VKORC1L1: variants seen among roughly 807,000 people sequenced by gnomAD.
VKORC1L1 encodes vitamin K epoxide reductase complex subunit 1-like protein 1.
Under a neutral mutation model 18.9 loss-of-function variants are expected in VKORC1L1, and 2 were observed. That is an observed-to-expected ratio of 0.11 (90% confidence interval 0.04 to 0.33). The LOEUF (loss-of-function observed/expected upper bound fraction) is 0.33, where lower values mean the gene tolerates loss of function less well. Among genes scored for constraint, VKORC1L1 ranks in the 10% least tolerant of loss-of-function variants. The pLI is 1.00. For missense variants in VKORC1L1, 123 were observed against 224.1 expected (o/e 0.55, Z 2.88); for synonymous variants, 96 against 100.0 (o/e 0.96, Z 0.24).
chr7:65,934,566 T>G (rs886839072), intron 1 of VKORC1L1, among the ~76,000 whole-genome samples: 1 of 152,162 alleles, frequency 6.6e-6, no homozygotes, highest in African/African-American at 2.4e-5. Context: ...ATAACCACCA[T>G]TCTACTCTCT....
At chr7:65,870,904 G>A (rs1402240009), upstream of VKORC1L1, among the ~76,000 whole-genome samples, 1 of 151,982 alleles carries the variant, frequency 6.6e-6, no homozygotes, top group Non-Finnish European at 1.5e-5. Flanking sequence ...GGCTCAGTCA[G>A]TCCTCCCAAG....
chr7:65,895,894 CTTTTT>C (rs899804086), intron 1 of VKORC1L1, among the ~76,000 whole-genome samples: 1 of 113,278 alleles, frequency 8.8e-6, no homozygotes, highest in South Asian at 2.8e-4. Flanking sequence ...TATCTCACTT[CTTTTT>C]TTTTTTTTTT....
chr7:65,933,539 G>A (rs1789892698), intron 1 of VKORC1L1, among the ~76,000 whole-genome samples: 1 of 152,052 alleles, frequency 6.6e-6, no homozygotes, highest in Non-Finnish European at 1.5e-5. Flanking sequence ...TTTGTATGAT[G>A]TAACTTGTTT....
At chr7:65,914,247 T>C (rs538823723) in intron 1 of VKORC1L1, among the ~76,000 whole-genome samples, 22 of 152,136 alleles carry the variant, frequency 1.4e-4, no homozygotes, top group African/African-American at 5.3e-4. Context: ...GTGTGCACCA[T>C]CATACCACCA....
In VKORC1L1 at chr7:65,957,203, G is replaced by C. The variant is rs750454425; in HGVS notation, c.*2903G>C. 1 of 152,208 alleles carries C rather than the reference G, an allele frequency of 6.6e-6. No individual in the cohort carries two copies. The highest frequency in any genetic ancestry group is 1.5e-5 in the Non-Finnish European group (1 of 68,066). 9.4% of individuals were successfully genotyped at this position (152,208 alleles called of 1,614,324 possible). ...TCATTCAAAGAAACTACATTCGGCC[G>C]GGCACGGTGGCTCACGCCTATAATC... is the stretch of plus-strand genomic sequence containing the variant. On this transcript the variant is annotated 3_prime_UTR_variant, in exon 3 of 3. Transcript: ENST00000360768.
chr7:65,885,989 A>G (rs1415173313), intron 1 of VKORC1L1, among the ~76,000 whole-genome samples: 4 of 152,346 alleles, frequency 2.6e-5, no homozygotes, highest in African/African-American at 7.2e-5. Context: ...CTTTCCATCA[A>G]GGAGCATATC....
intron 2 of VKORC1L1, among the ~76,000 whole-genome samples, chr7:65,953,710 C>A (rs2115755793): frequency 6.6e-6 from 1 of 152,188 alleles, no homozygotes; most frequent in East Asian, 1.9e-4. Flanking sequence ...GCCTGGCCAA[C>A]AAAAAATCAG....
intron 1 of VKORC1L1, among the ~76,000 whole-genome samples, chr7:65,894,417 CA>C: frequency 6.6e-6 from 1 of 152,148 alleles, no homozygotes; most frequent in Non-Finnish European, 1.5e-5. Flanking sequence ...GCACATTTTC[CA>C]AACAGAATTT....
At chr7:65,922,472 C>T (rs1476712963) in intron 1 of VKORC1L1, among the ~76,000 whole-genome samples, 2 of 152,042 alleles carry the variant, frequency 1.3e-5, no homozygotes, top group Admixed American at 6.6e-5. Context: ...TTACTAGAGA[C>T]GGGGCTTTGC....
intron 1 of VKORC1L1, among the ~76,000 whole-genome samples, chr7:65,879,166 C>T (rs957421478): frequency 6.6e-6 from 1 of 152,098 alleles, no homozygotes; most frequent in African/African-American, 2.4e-5. Context: ...TTTTGCTTGG[C>T]ATTCGTTCCA....
Position 65,954,464 on chromosome 7 carries a change from TATTTTCTGTGTCAGTCTTCATTTTA to T in VKORC1L1, c.*166_*190del. On this transcript the variant is annotated 3_prime_UTR_variant, in exon 3 of 3. Coordinates refer to ENST00000360768, the MANE Select transcript of VKORC1L1 (RefSeq NM_173517.6). ...CCGGTAAATTAGAAGGGGCCCTCGC[TATTTTCTGTGTCAGTCTTCATTTTA>T]AATATGGATACAAAAAGGATACGCC... The T allele has an allele frequency of 8.3e-7, 1 of 1,204,332 alleles. No homozygotes were observed. Among genetic ancestry groups the T allele is most frequent in the Non-Finnish European group, 1.1e-6 (1 of 909,828 alleles). 74.6% of individuals were successfully genotyped at this position (1,204,332 alleles called of 1,614,324 possible). A position where few individuals can be genotyped will look rare whatever the true frequency, so the allele number is the denominator to read the frequency against.
At chr7:65,886,865 T>TTC (rs1789023331) in intron 1 of VKORC1L1, among the ~76,000 whole-genome samples, 1 of 132,108 alleles carries the variant, frequency 7.6e-6, no homozygotes, top group South Asian at 2.6e-4. Context: ...TTTTTTTTTT[T>TTC]CTGAGACAGA....
rs1460002550 is a variant in VKORC1L1 at position 65,957,840 on chromosome 7, A to C, written c.*3540A>C. 1 of 150,638 alleles carries C rather than the reference A, an allele frequency of 6.6e-6. No individual in the cohort carries two copies. Among genetic ancestry groups the C allele is most frequent in the Non-Finnish European group, 1.5e-5 (1 of 67,516 alleles). 9.3% of individuals were successfully genotyped at this position (150,638 alleles called of 1,614,324 possible). On this transcript the variant is annotated 3_prime_UTR_variant, in exon 3 of 3. Coordinates refer to ENST00000360768, the MANE Select transcript of VKORC1L1 (RefSeq NM_173517.6). The stretch of plus-strand genomic sequence containing the variant: ...AGTGAAACTCTGTCTCAAATAAAAA[A>C]ATAAAAATAAAAACTATTTGTTGAC...
chr7:65,925,900 T>G (rs1789754855), intron 1 of VKORC1L1, among the ~76,000 whole-genome samples: 1 of 152,140 alleles, frequency 6.6e-6, no homozygotes, highest in Non-Finnish European at 1.5e-5. Flanking sequence ...GCCAAGCGTC[T>G]TCATTCCAAT....
At chr7:65,939,376 G>T (rs192983638) in intron 1 of VKORC1L1, among the ~76,000 whole-genome samples, 4 of 152,218 alleles carry the variant, frequency 2.6e-5, no homozygotes, top group African/African-American at 7.2e-5. Flanking sequence ...GACAAGTTTG[G>T]TCATGGTGGC....
chr7:65,925,795 A>G (rs367557298), intron 1 of VKORC1L1, among the ~76,000 whole-genome samples: 3 of 152,182 alleles, frequency 2.0e-5, no homozygotes, highest in South Asian at 2.1e-4. Context: ...CCCTTAGGAA[A>G]CCCCAAGGAA....
chr7:65,910,123 A>G (rs1789479619), intron 1 of VKORC1L1, among the ~76,000 whole-genome samples: 1 of 152,202 alleles, frequency 6.6e-6, no homozygotes, highest in African/African-American at 2.4e-5. Flanking sequence ...ACAAGTTCAC[A>G]TCTTTTAAAA....
intron 1 of VKORC1L1, among the ~76,000 whole-genome samples, chr7:65,914,697 G>A: frequency 6.6e-6 from 1 of 152,082 alleles, no homozygotes; most frequent in East Asian, 1.9e-4. Context: ...TCTCTTGTTT[G>A]CATCTACTTA....
At chr7:65,883,405 G>A (rs942106231) in intron 1 of VKORC1L1, among the ~76,000 whole-genome samples, 1 of 151,694 alleles carries the variant, frequency 6.6e-6, no homozygotes, top group African/African-American at 2.4e-5. Context: ...CCCCCACTTG[G>A]CCTCCCAAAG....
Sources: allele counts gnomAD v4.1 joint callset (sites outside exome capture counted in the v4.1 genomes callset), GRCh38; gene constraint gnomAD v4.1.1; transcripts MANE v1.5; gene names NCBI Gene and HGNC (gene_info 2026-07-23, HGNC 2026-07-21).